The following EFCAB11 variants were observed in gnomAD, a reference collection of about 807,000 sequenced individuals.
EFCAB11 encodes the protein EF-hand calcium binding domain 11, also known as EF-hand calcium-binding domain-containing protein 11.
Under a neutral mutation model 23.0 loss-of-function variants are expected in EFCAB11, and 14 were observed. The ratio of observed to expected loss-of-function variants is 0.61; its 90% CI spans 0.40 to 0.95. The LOEUF (loss-of-function observed/expected upper bound fraction) is 0.95, where lower values mean the gene tolerates loss of function less well. EFCAB11 is among the 40% of genes least tolerant of loss of function. EFCAB11 has a pLI of 0.00. For missense variants in EFCAB11, 198 were observed against 195.8 expected, an observed-to-expected ratio of 1.01 and a Z score of -0.07; for synonymous variants, 65 against 66.6, an observed-to-expected ratio of 0.98 and a Z score of 0.11.
At chr14:89,841,351 T>A (rs1269956060) in intron 5 of EFCAB11, among the ~76,000 whole-genome samples, 3 of 151,948 alleles carry the variant, frequency 2.0e-5, no homozygotes, top group African/African-American at 7.3e-5. Flanking sequence ...CTCCTTCCCA[T>A]TGAGTGAAAG....
intron 5 of EFCAB11, among the ~76,000 whole-genome samples, chr14:89,857,816 TC>T (rs1887800359): frequency 6.6e-6 from 1 of 152,332 alleles, no homozygotes; most frequent in African/African-American, 2.4e-5. Context: ...GAAAATGATA[TC>T]TTTTTATTCT....
Position 89,871,570 on chromosome 14 carries a change from T to C in EFCAB11, c.410+59971A>G, listed in dbSNP as rs572249510. On this transcript the variant is annotated intron_variant, in intron 5 of 5. Transcript: ENST00000316738. ...CTCCTTATAAACAGGAAATGAAGCATCTTTACAGTGATGCCCCTACTTTGC... is the reference window on the plus strand; with the variant it reads ...CTCCTTATAAACAGGAAATGAAGCACCTTTACAGTGATGCCCCTACTTTGC... Among the ~76,000 whole-genome samples the C allele has an allele frequency of 5.3e-5, 8 of 152,268 alleles. No individual in the cohort carries two copies. In the East Asian group the frequency reaches 1.4e-3, roughly 26 times the overall value.
At chr14:89,822,991 T>C (rs1202883249) in intron 5 of EFCAB11, among the ~76,000 whole-genome samples, 3 of 152,160 alleles carry the variant, frequency 2.0e-5, no homozygotes, top group Non-Finnish European at 4.4e-5. Flanking sequence ...ATGGTTGTAA[T>C]TGTGATAGGC....
At chr14:89,909,912 A>G (rs1889618614) in intron 5 of EFCAB11, among the ~76,000 whole-genome samples, 1 of 152,180 alleles carries the variant, frequency 6.6e-6, no homozygotes, top group South Asian at 2.1e-4. Flanking sequence ...TCCAGGTCTC[A>G]CGCCGGCTAT....
chr14:89,857,107 TA>T (rs1243763746), intron 5 of EFCAB11, among the ~76,000 whole-genome samples: 1 of 152,246 alleles, frequency 6.6e-6, no homozygotes, highest in Non-Finnish European at 1.5e-5. Context: ...TGCCACTTAC[TA>T]ACTATGGGCT....
At chr14:89,824,549 A>G (rs1886629397) in intron 5 of EFCAB11, among the ~76,000 whole-genome samples, 1 of 152,168 alleles carries the variant, frequency 6.6e-6, no homozygotes, top group African/African-American at 2.4e-5. Flanking sequence ...AAATAATTAC[A>G]TTAAATGTAA....
intron 5 of EFCAB11, among the ~76,000 whole-genome samples, chr14:89,925,585 C>G (rs148893908): frequency 4.6e-5 from 7 of 151,594 alleles, no homozygotes; most frequent in African/African-American, 1.7e-4. Context: ...ATCTTTGATA[C>G]AGTACACAAA....
chr14:89,831,479 C>T (rs889465666), intron 5 of EFCAB11, among the ~76,000 whole-genome samples: 2 of 152,146 alleles, frequency 1.3e-5, no homozygotes, highest in African/African-American at 4.8e-5. Flanking sequence ...GATATCACTA[C>T]AATAATATGA....
chr14:89,857,236 C>T (rs1349788241), intron 5 of EFCAB11, among the ~76,000 whole-genome samples: 1 of 152,200 alleles, frequency 6.6e-6, no homozygotes, highest in Non-Finnish European at 1.5e-5. Context: ...AACTAAGGGC[C>T]AGGCATTGCC....
At chr14:89,830,679 A>G (rs1364907111) in intron 5 of EFCAB11, 1 of 152,180 alleles carries the variant, frequency 6.6e-6, no homozygotes, top group African/African-American at 2.4e-5. Flanking sequence ...GCTTTCAGTT[A>G]CTTTATTTTG....
chr14:89,807,811 A>G (rs1429461705), intron 5 of EFCAB11, among the ~76,000 whole-genome samples: 1 of 152,216 alleles, frequency 6.6e-6, no homozygotes, highest in Admixed American at 6.5e-5. Flanking sequence ...ATCTGGGAAA[A>G]TAAATATGCC....
At chr14:89,878,053 T>C (rs1224025813) in intron 5 of EFCAB11, among the ~76,000 whole-genome samples, 2 of 152,198 alleles carry the variant, frequency 1.3e-5, no homozygotes, top group African/African-American at 2.4e-5. Flanking sequence ...CTACAGAACG[T>C]TGGTCATTTT....
At chr14:89,815,590 T>C (rs1886310073) in intron 5 of EFCAB11, among the ~76,000 whole-genome samples, 1 of 152,064 alleles carries the variant, frequency 6.6e-6, no homozygotes, top group Non-Finnish European at 1.5e-5. Flanking sequence ...CCACGCTGGC[T>C]AATTTTTGTA....
chr14:89,903,648 T>C (rs1477842614), intron 5 of EFCAB11, among the ~76,000 whole-genome samples: 1 of 151,988 alleles, frequency 6.6e-6, no homozygotes, highest in African/African-American at 2.4e-5. Flanking sequence ...TCTGAGAAAA[T>C]ATTAGCACTT....
chr14:89,810,712 C>G (rs1596376608), intron 5 of EFCAB11, among the ~76,000 whole-genome samples: 1 of 148,844 alleles, frequency 6.7e-6, no homozygotes, highest in African/African-American at 2.5e-5. Context: ...GCTGAGATTG[C>G]GCCACTGCAC....
chr14:89,797,171 T>C lies in EFCAB11; in HGVS notation c.*72A>G. ...ATCACAAGTCTGTAGCATGACATCATTAGTAGAGTCGAGTCTGCTGACATT... is the reference window on the plus strand; with the variant it reads ...ATCACAAGTCTGTAGCATGACATCACTAGTAGAGTCGAGTCTGCTGACATT... On this transcript the variant is annotated 3_prime_UTR_variant, in exon 6 of 6. Coordinates refer to ENST00000316738, the MANE Select transcript of EFCAB11 (RefSeq NM_145231.4). 7.2e-7 allele frequency: 1 copy of C among 1,387,862 alleles called. No individual in the cohort carries two copies. The highest frequency in any genetic ancestry group is 2.3e-5 in the East Asian group (1 of 43,388). 86.0% of individuals were successfully genotyped at this position (1,387,862 alleles called of 1,614,324 possible). A position where few individuals can be genotyped will look rare whatever the true frequency, so the allele number is the denominator to read the frequency against.
chr14:89,953,115 C>CT (rs1325177838), intron 2 of EFCAB11, among the ~76,000 whole-genome samples: 1 of 151,884 alleles, frequency 6.6e-6, no homozygotes, highest in East Asian at 1.9e-4. Context: ...CGTACATATT[C>CT]CATGACCTAG....
intron 5 of EFCAB11, among the ~76,000 whole-genome samples, chr14:89,927,525 A>C (rs1013686325): frequency 2.6e-5 from 4 of 152,216 alleles, no homozygotes; most frequent in African/African-American, 9.6e-5. Context: ...CAAAAAGTGA[A>C]CGTCTAACCT....
chr14:89,866,786 A>G (rs1242426900), intron 5 of EFCAB11, among the ~76,000 whole-genome samples: 1 of 152,076 alleles, frequency 6.6e-6, no homozygotes, highest in African/African-American at 2.4e-5. Context: ...CTCATTTTTA[A>G]AAATGTTTTA....
Sources: gnomAD v4.1 joint callset for allele counts (sites outside exome capture counted in the v4.1 genomes callset) on GRCh38, gnomAD v4.1.1 for gene constraint, MANE v1.5 for transcripts, NCBI Gene and HGNC (gene_info 2026-07-23, HGNC 2026-07-21) for gene names.